NFATC3: variants seen among roughly 807,000 people sequenced by gnomAD.
NFATC3 encodes the protein nuclear factor of activated T-cells, cytoplasmic 3.
Under a neutral mutation model 98.6 loss-of-function variants are expected in NFATC3, and 46 were observed. The ratio of observed to expected loss-of-function variants is 0.47; its 90% CI spans 0.37 to 0.60. The LOEUF (loss-of-function observed/expected upper bound fraction) is 0.60, where lower values mean the gene tolerates loss of function less well. Ranked by LOEUF, NFATC3 falls within the 20% of genes least tolerant of loss-of-function variation. NFATC3 has a pLI of 0.00. For synonymous variants in NFATC3, 512 were observed against 472.2 expected, an observed-to-expected ratio of 1.08 and a Z score of -1.09; for missense variants, 1,256 against 1,295.5, an observed-to-expected ratio of 0.97 and a Z score of 0.47.
At chr16:68,145,838 A>G (rs895065119) in intron 3 of NFATC3, among the ~76,000 whole-genome samples, 1 of 152,198 alleles carries the variant, frequency 6.6e-6, no homozygotes, top group Non-Finnish European at 1.5e-5. Flanking sequence ...ATGCATGTAG[A>G]ACAATGACAA....
chr16:68,192,818 A>C (rs1342748763), intron 9 of NFATC3, among the ~76,000 whole-genome samples: 4 of 152,146 alleles, frequency 2.6e-5, no homozygotes, highest in Admixed American at 1.3e-4. Context: ...AGCTGTGATC[A>C]TGCCATTGCA....
At chr16:68,210,578 C>A (rs1350570540) in intron 9 of NFATC3, among the ~76,000 whole-genome samples, 1 of 152,032 alleles carries the variant, frequency 6.6e-6, no homozygotes, top group African/African-American at 2.4e-5. Flanking sequence ...GTTGCCCATG[C>A]CAGTCAGGAG....
intron 9 of NFATC3, among the ~76,000 whole-genome samples, chr16:68,219,114 G>A (rs1234436742): frequency 4.0e-5 from 6 of 151,734 alleles, no homozygotes; most frequent in African/African-American, 9.7e-5. Context: ...GACCAGGCGC[G>A]GTGGCTCACG....
At chr16:68,177,042 T>C (rs908360846) in intron 6 of NFATC3, among the ~76,000 whole-genome samples, 2 of 150,978 alleles carry the variant, frequency 1.3e-5, no homozygotes, top group African/African-American at 4.8e-5. Context: ...CTTTTTTTTT[T>C]TTTTGTTTTT....
chr16:68,104,653 G>GTTTTTTTTTTTTTTTTT (rs778016298), intron 1 of NFATC3, among the ~76,000 whole-genome samples: 11 of 126,688 alleles, frequency 8.7e-5, no homozygotes, highest in South Asian at 2.4e-4. Flanking sequence ...TTCACAAATG[G>GTTTTTTTTTTTTTTTTT]TTTTTTTTTT....
chr16:68,163,255 C>T (rs1237400832), intron 4 of NFATC3, among the ~76,000 whole-genome samples: 1 of 152,058 alleles, frequency 6.6e-6, no homozygotes, highest in African/African-American at 2.4e-5. Flanking sequence ...CTGTTGGGTA[C>T]ACCTCCCAGA....
chr16:68,206,139 T>A (rs1443192602), intron 9 of NFATC3, among the ~76,000 whole-genome samples: 1 of 152,152 alleles, frequency 6.6e-6, no homozygotes, highest in Non-Finnish European at 1.5e-5. Context: ...AAAAGAGGGA[T>A]TTACAAAAGT....
At chr16:68,113,963 C>T (rs1423334449) in intron 1 of NFATC3, among the ~76,000 whole-genome samples, 3 of 151,968 alleles carry the variant, frequency 2.0e-5, no homozygotes, top group Non-Finnish European at 4.4e-5. Context: ...GCAGTGATGG[C>T]GACTGCCCCT....
At chr16:68,201,306 C>T (rs1033851583) in intron 9 of NFATC3, among the ~76,000 whole-genome samples, 7 of 152,108 alleles carry the variant, frequency 4.6e-5, no homozygotes, top group Admixed American at 6.6e-5. Context: ...TCATGGCTTA[C>T]TGCAGCCTTG....
chr16:68,164,038 G>A (rs1231082085), intron 4 of NFATC3, among the ~76,000 whole-genome samples: 1 of 152,094 alleles, frequency 6.6e-6, no homozygotes, highest in Non-Finnish European at 1.5e-5. Flanking sequence ...CACTTTGGGA[G>A]GCCAAGGCAG....
In NFATC3 at chr16:68,110,345, G is replaced by A. The variant is rs2035879122; in HGVS notation, c.104-11642G>A. Among the ~76,000 whole-genome samples the A allele has an allele frequency of 1.5e-5, 2 of 135,416 alleles. 1 individual carries two copies. The highest frequency in any genetic ancestry group is 1.7e-4 in the Admixed American group (2 of 12,010). 88.8% of individuals were successfully genotyped at this position (135,416 alleles called of 152,430 possible). On this transcript the variant is annotated intron_variant, in intron 1 of 9. Transcript: ENST00000346183. ...TTTTTTCGAGACGAAGTCTCGCTCT[G>A]TTGCCCAGGCTGGAGTACAGTGGCC...
chr16:68,124,784 C>T (rs1199104569), intron 2 of NFATC3, among the ~76,000 whole-genome samples: 2 of 150,764 alleles, frequency 1.3e-5, no homozygotes, highest in Non-Finnish European at 2.9e-5. Flanking sequence ...GGCTCAAGTG[C>T]AGTGGCATGA....
intron 1 of NFATC3, chr16:68,086,745 A>G: frequency 2.0e-6 from 2 of 985,450 alleles, no homozygotes; most frequent in Non-Finnish European, 2.4e-6. Context: ...ACTGTTCTGT[A>G]GAGTTGCATT....
At chr16:68,115,455 C>T (rs1054091325) in intron 1 of NFATC3, among the ~76,000 whole-genome samples, 1 of 151,972 alleles carries the variant, frequency 6.6e-6, no homozygotes, top group Non-Finnish European at 1.5e-5. Flanking sequence ...GAGTCTTGCT[C>T]TTGTCACACA....
intron 1 of NFATC3, among the ~76,000 whole-genome samples, chr16:68,120,505 G>A (rs953428741): frequency 1.3e-5 from 2 of 151,050 alleles, no homozygotes; most frequent in Admixed American, 6.6e-5. Flanking sequence ...CCTGAACTTC[G>A]GAGGCAGAGG....
intron 6 of NFATC3, among the ~76,000 whole-genome samples, chr16:68,175,871 A>G (rs758747917): frequency 2.3e-4 from 35 of 152,150 alleles, no homozygotes; most frequent in Non-Finnish European, 4.0e-4. Context: ...TTATAAGAAT[A>G]ATATAATATA....
intron 1 of NFATC3, among the ~76,000 whole-genome samples, chr16:68,099,725 C>T (rs1329668934): frequency 6.6e-6 from 1 of 151,980 alleles, no homozygotes; most frequent in African/African-American, 2.4e-5. Context: ...TCCTGGCAAC[C>T]ACTAATCTAT....
At chr16:68,143,226 A>G (rs927998052) in intron 3 of NFATC3, among the ~76,000 whole-genome samples, 2 of 151,664 alleles carry the variant, frequency 1.3e-5, no homozygotes, top group Admixed American at 6.6e-5. Flanking sequence ...AAAAAAAAAA[A>G]AAAAGGAAAG....
At chr16:68,225,551 C>T (rs189581792) in intron 9 of NFATC3, 1 of 152,194 alleles carries the variant, frequency 6.6e-6, no homozygotes, top group Non-Finnish European at 1.5e-5. Context: ...CCATTCATCA[C>T]TTGGTAGACA....
Sources: gnomAD v4.1 joint callset for allele counts (sites outside exome capture counted in the v4.1 genomes callset) on GRCh38, gnomAD v4.1.1 for gene constraint, MANE v1.5 for transcripts, NCBI Gene and HGNC (gene_info 2026-07-23, HGNC 2026-07-21) for gene names.